Variants in MIER3 observed in about 807,000 individuals in gnomAD.
The protein encoded by MIER3 is MIER family member 3, also known as mesoderm induction early response protein 3.
MIER3 carries 9 observed loss-of-function variants against 63.2 expected under a neutral mutation model. The observed-to-expected ratio is 0.14, with a 90% CI of 0.09 to 0.25. The LOEUF is 0.25. MIER3 is among the 10% of genes least tolerant of loss of function. The probability of loss-of-function intolerance (pLI) is 1.00; values close to 1 mark genes in which losing one functional copy is unlikely to be tolerated. For missense variants in MIER3, 512 were observed against 666.2 expected (o/e 0.77, Z 2.55); for synonymous variants, 205 against 224.9 (o/e 0.91, Z 0.79).
intron 7 of MIER3, among the ~76,000 whole-genome samples, chr5:56,933,792 T>C (rs1006533841): frequency 6.6e-6 from 1 of 152,128 alleles, no homozygotes; most frequent in African/African-American, 2.4e-5. Context: ...AATTGCTCTA[T>C]GAAATCTCTA....
chr5:56,924,338 T>TA (rs1223526404), intron 10 of MIER3, among the ~76,000 whole-genome samples: 2 of 152,212 alleles, frequency 1.3e-5, no homozygotes, highest in African/African-American at 4.8e-5. Flanking sequence ...CTGAAAATCT[T>TA]AAACACTAGC....
chr5:56,938,147 T>C, intron 4 of MIER3: 1 of 374,542 alleles, frequency 2.7e-6, no homozygotes, highest in Non-Finnish European at 5.5e-6. Context: ...AAGAAACAAG[T>C]TTGAATTAAT....
chr5:56,951,306 G>A (rs1236069247), intron 1 of MIER3, among the ~76,000 whole-genome samples: 3 of 151,458 alleles, frequency 2.0e-5, no homozygotes, highest in African/African-American at 7.3e-5. Context: ...CCGCCCCAGC[G>A]AGCTCCAGCC....
intron 3 of MIER3, among the ~76,000 whole-genome samples, chr5:56,946,321 A>C (rs1750822625): frequency 1.3e-5 from 2 of 152,184 alleles, no homozygotes; most frequent in South Asian, 4.1e-4. Context: ...GGACCTCTCT[A>C]TATACAGTCC....
At chr5:56,937,899 A>C (rs1750506235) in intron 4 of MIER3, among the ~76,000 whole-genome samples, 1 of 151,226 alleles carries the variant, frequency 6.6e-6, no homozygotes, top group African/African-American at 2.4e-5. Context: ...ATTAAATGAT[A>C]ATCAGTGCAA....
chr5:56,938,671 T>C (rs868068971), intron 4 of MIER3: 29 of 558,066 alleles, frequency 5.2e-5, no homozygotes, highest in Middle Eastern at 9.8e-4. Context: ...TGGGAGAATA[T>C]TCAGGCATGC....
chr5:56,946,838 C>A, intron 3 of MIER3, 88 bp downstream of exon 3: 1 of 1,029,566 alleles, frequency 9.7e-7, no homozygotes, highest in South Asian at 2.0e-5. Context: ...GATTATGATC[C>A]TATTTTTATT....
chr5:56,951,971 G>A (rs1579872297), intron 1 of MIER3, 123 bp downstream of exon 1: 26 of 829,958 alleles, frequency 3.1e-5, no homozygotes, highest in South Asian at 5.4e-5. Flanking sequence ...CCCCCGCGTC[G>A]CCACGCCGCC....
Position 56,922,607 on chromosome 5 carries a change from G to A in MIER3, c.*521C>T, listed in dbSNP as rs749622190. On this transcript the variant is annotated 3_prime_UTR_variant, in exon 13 of 13. Coordinates refer to ENST00000381199, the MANE Select transcript of MIER3 (RefSeq NM_001297599.2). ...GTGCAGTTTAAAGAAACCTACCCCT[G>A]CTTTTATTAAGAAAATAAAACCAAA... 6.5e-6 allele frequency: 1 copy of A among 154,370 alleles called. No homozygotes were observed. Among genetic ancestry groups the A allele is most frequent in the Non-Finnish European group, 1.4e-5 (1 of 69,286 alleles). 9.6% of individuals were successfully genotyped at this position (154,370 alleles called of 1,614,324 possible).
chr5:56,924,156 T>C (rs1749836699), intron 10 of MIER3, 114 bp from the exon 11 acceptor site: 4 of 1,027,034 alleles, frequency 3.9e-6, no homozygotes, highest in Non-Finnish European at 2.8e-6. Flanking sequence ...TCCCATTATA[T>C]AGTTCTGAAC....
chr5:56,935,844 G>A (rs1750423616), intron 5 of MIER3, 93 bp from the exon 6 acceptor site: 1 of 912,168 alleles, frequency 1.1e-6, no homozygotes, highest in African/African-American at 1.7e-5. Context: ...TGTTAAATAT[G>A]TGAGATCAGC....
intron 8 of MIER3, among the ~76,000 whole-genome samples, chr5:56,932,919 T>C (rs1750322411): frequency 6.6e-6 from 1 of 152,050 alleles, no homozygotes; most frequent in Non-Finnish European, 1.5e-5. Context: ...AAGTATAGGA[T>C]AGACTATACA....
At chr5:56,951,803 G>A (rs1350646319) in intron 1 of MIER3, among the ~76,000 whole-genome samples, 1 of 151,344 alleles carries the variant, frequency 6.6e-6, no homozygotes, top group African/African-American at 2.4e-5. Context: ...CTCGTCCCTG[G>A]GGCAGGGCTC....
Position 56,923,373 on chromosome 5 carries a change from T to A in MIER3, c.1408A>T (p.Met470Leu). ...FYHSELNPMN[M>L]CSEESERPAK... is the part of the protein sequence containing the mutation. ...GGTCTCTCTGACTCTTCACTGCACATGTTCATAGGGTTTAGCTCCGAGTGA... is the reference window on the plus strand; with the variant it reads ...GGTCTCTCTGACTCTTCACTGCACAAGTTCATAGGGTTTAGCTCCGAGTGA... Residue 470 changes from methionine to leucine, a missense_variant, in exon 13 of 13, where the codon ATG (methionine) becomes TTG (leucine). By Grantham distance (15) the Met-to-Leu change is conservative. Around this residue, in one of 5 missense-constraint regions of MIER3, gnomAD observed 218 missense variants for 251.2 expected, o/e 0.87. Transcript: ENST00000381199. The A allele has an allele frequency of 1.2e-6, 2 of 1,614,184 alleles. No homozygotes were observed. Among genetic ancestry groups the A allele is most frequent in the Non-Finnish European group, 1.7e-6 (2 of 1,180,034 alleles).
chr5:56,942,814 GA>G (rs1479376357), intron 3 of MIER3, among the ~76,000 whole-genome samples: 2 of 152,154 alleles, frequency 1.3e-5, no homozygotes, highest in Non-Finnish European at 2.9e-5. Flanking sequence ...CTGAGCAAGA[GA>G]AAGACAAGAA....
At chr5:56,948,006 G>C (rs1010521383) in intron 2 of MIER3, among the ~76,000 whole-genome samples, 4 of 152,168 alleles carry the variant, frequency 2.6e-5, no homozygotes, top group Non-Finnish European at 5.9e-5. Flanking sequence ...GTAACCCTCA[G>C]AGCAAGGAAG....
At chr5:56,939,961 G>A (rs970203075) in intron 3 of MIER3, among the ~76,000 whole-genome samples, 3 of 152,176 alleles carry the variant, frequency 2.0e-5, no homozygotes, top group African/African-American at 7.2e-5. Context: ...ACTGCCTAAT[G>A]ACGCCTTTTT....
Position 56,933,270 on chromosome 5 carries a change from T to A in MIER3, c.724A>T (p.Thr242Ser). The A allele has an allele frequency of 6.2e-7, 1 of 1,611,946 alleles. No homozygotes were observed. Residue 242 changes from threonine to serine, a missense_variant, in exon 8 of 13, where the codon ACA (threonine) becomes TCA (serine). By Grantham distance (58) the Thr-to-Ser change is moderately conservative. This residue lies in a region of MIER3 where 118 missense variants were observed against 133.6 expected (regional missense o/e 0.88). Coordinates refer to ENST00000381199, the MANE Select transcript of MIER3 (RefSeq NM_001297599.2). ...EKIMDRISAG[T>S]HTRDNEQALY... The stretch of plus-strand genomic sequence containing the variant: ...ACCTGTTCATTGTCCCTTGTGTGTG[T>A]TCCTGCAGAAATCCTATCCATTATT...
rs1285278815 is a variant in MIER3 at position 56,922,858 on chromosome 5, T to C, written c.*270A>G. On this transcript the variant is annotated 3_prime_UTR_variant, in exon 13 of 13. Transcript: ENST00000381199. Reference sequence around the variant, plus strand: ...AAAAGAAGGGAGTGGGGAAGAGGTATTGGGAGATGAGGAAGAGAGAAGCAG... The same window carrying C: ...AAAAGAAGGGAGTGGGGAAGAGGTACTGGGAGATGAGGAAGAGAGAAGCAG... 5 of 418,646 alleles carry C rather than the reference T, an allele frequency of 1.2e-5. No individual in the cohort carries two copies. The highest frequency in any genetic ancestry group is 2.8e-5 in the South Asian group (1 of 35,430). The allele number at this position is 418,646 out of a possible 1,614,324, so 25.9% of individuals were successfully genotyped here. A position where few individuals can be genotyped will look rare whatever the true frequency, so the allele number is the denominator to read the frequency against.
Sources: gnomAD v4.1 joint callset for allele counts (sites outside exome capture counted in the v4.1 genomes callset) on GRCh38, gnomAD v4.1.1 for gene constraint, gnomAD v4.1.1 regional missense constraint, MANE v1.5 for transcripts, NCBI Gene and HGNC (gene_info 2026-07-23, HGNC 2026-07-21) for gene names.